The following SLC38A3 variants were observed in gnomAD, a reference collection of about 807,000 sequenced individuals.
SLC38A3 encodes the protein solute carrier family 38 member 3, also known as sodium-coupled neutral amino acid transporter 3.
Under a neutral mutation model 59.5 loss-of-function variants are expected in SLC38A3, and 17 were observed. That is an observed-to-expected ratio of 0.29 (90% CI 0.20 to 0.43). The LOEUF (loss-of-function observed/expected upper bound fraction) is 0.43. Ranked by LOEUF, SLC38A3 falls within the 20% of genes least tolerant of loss-of-function variation. The pLI, the probability that SLC38A3 is intolerant of heterozygous loss-of-function variation, is 1.00. For synonymous variants in SLC38A3, 238 were observed against 260.3 expected (o/e 0.91, Z 0.82); for missense variants, 454 against 653.9 (o/e 0.69, Z 3.33).
At chr3:50,212,169 C>T (rs532169998) in intron 1 of SLC38A3, among the ~76,000 whole-genome samples, 6 of 152,356 alleles carry the variant, frequency 3.9e-5, no homozygotes, top group East Asian at 1.9e-4. Flanking sequence ...ACACCTCCCA[C>T]GGCCCATGCC....
Position 50,218,697 on chromosome 3 carries a change from G to A in SLC38A3, c.1141G>A (p.Val381Met). ...CGTGCTGACAGCAGTCACGCTCACA[G>A]TGCCCATCGTTCTGTTCCCGGTGAG... Reference protein sequence around the residue: ...VAVLTAVTLTVPIVLFPVRRA... With the variant: ...VAVLTAVTLTMPIVLFPVRRA... The change falls in exon 13 of 16, where the codon GTG becomes ATG. Residue 381 changes from valine to methionine, a missense_variant. This residue lies in a region of SLC38A3 where 390 missense variants were observed against 557.9 expected (regional missense o/e 0.70). Coordinates refer to ENST00000614032, the MANE Select transcript of SLC38A3 (RefSeq NM_006841.6). The surrounding 1 kb of genome is among the most constrained non-coding windows in gnomAD (Gnocchi z 5.8). 2 of 1,611,894 alleles carry A rather than the reference G, an allele frequency of 1.2e-6. No homozygotes were observed. Among genetic ancestry groups the A allele is most frequent in the Non-Finnish European group, 1.7e-6 (2 of 1,178,154 alleles).
rs1331818148 is a variant in SLC38A3 at position 50,215,622 on chromosome 3, T to C, written c.452T>C (p.Leu151Pro). ...GKLAAALAIT[L>P]QNIGAMSSYL... ...CTGGCAGCAGCCCTGGCCATCACGC[T>C]CCAGAACATCGGAGGTAAGAGCAGT... is the stretch of plus-strand genomic sequence containing the variant. The change falls in exon 6 of 16, where the codon CTC becomes CCC. Residue 151 changes from leucine (L) to proline (P), a missense_variant. Physicochemically the swap from Leu to Pro is moderately conservative, Grantham distance 98 (BLOSUM62 -3). Transcript: ENST00000614032. The surrounding 1 kb of genome is among the most constrained non-coding windows in gnomAD (Gnocchi z 7.1). 1 of 1,613,546 alleles carries C rather than the reference T, an allele frequency of 6.2e-7. No homozygotes were observed. The highest frequency in any genetic ancestry group is 2.2e-5 in the East Asian group (1 of 44,856).
intron 1 of SLC38A3, among the ~76,000 whole-genome samples, chr3:50,208,778 C>G (rs1410904171): frequency 1.3e-5 from 2 of 152,228 alleles, no homozygotes; most frequent in African/African-American, 2.4e-5. Flanking sequence ...CCCTGGGCCG[C>G]TGCATCTCTG....
At position 50,217,850 on chromosome 3, in the gene SLC38A3, G is replaced by A. The variant is rs774639048; in HGVS notation, c.855+10G>A. 1 of 1,614,074 alleles carries A rather than the reference G, an allele frequency of 6.2e-7. No homozygotes were observed. The highest frequency in any genetic ancestry group is 1.1e-5 in the South Asian group (1 of 91,088). ...CACGCTCAACTCACAGGTTCTGACAGGTCAGGGCAAGGCGGGGGCCCAATG... is the reference window on the plus strand; with the variant it reads ...CACGCTCAACTCACAGGTTCTGACAAGTCAGGGCAAGGCGGGGGCCCAATG... On this transcript the variant is annotated intron_variant, in intron 10 of 15. Transcript: ENST00000614032. The surrounding 1 kb of genome is among the most constrained non-coding windows in gnomAD (Gnocchi z 4.9).
In SLC38A3 at chr3:50,215,780, A is replaced by T. The variant is rs1699808727; in HGVS notation, c.507A>T (p.Pro169=). Reference sequence around the variant, plus strand: ...TGTACATCATCAAGTCTGAGCTGCCACTTGTCATACAGACCTTCCTGAACC... The same window carrying T: ...TGTACATCATCAAGTCTGAGCTGCCTCTTGTCATACAGACCTTCCTGAACC... ...SYLYIIKSEL[P]LVIQTFLNLE... Residue 169 remains proline (P), a synonymous_variant, in exon 7 of 16, where the codon CCA becomes CCT. Transcript: ENST00000614032. The surrounding 1 kb of genome is among the most constrained non-coding windows in gnomAD (Gnocchi z 7.1). 6.3e-7 allele frequency: 1 copy of T among 1,596,738 alleles called. No homozygotes were observed. Among genetic ancestry groups the T allele is most frequent in the African/African-American group, 1.3e-5 (1 of 74,296 alleles).
rs759397950 is a variant in SLC38A3 at position 50,215,733 on chromosome 3, C to G, written c.467-7C>G. On this transcript the variant is annotated splice_polypyrimidine_tract_variant and splice_region_variant and intron_variant, in intron 6 of 15. Coordinates refer to ENST00000614032, the MANE Select transcript of SLC38A3 (RefSeq NM_006841.6). This position sits in a 1 kb window ranked among gnomAD's most constrained non-coding sequence, Gnocchi z 7.1. Reference sequence around the variant, plus strand: ...CAGCGCCTGCCTGCCCGCCCCTCTCCCCACAGCCATGTCCAGCTACCTGTA... The same window carrying G: ...CAGCGCCTGCCTGCCCGCCCCTCTCGCCACAGCCATGTCCAGCTACCTGTA... 1.9e-6 allele frequency: 3 copies of G among 1,605,182 alleles called. No homozygotes were observed. The South Asian group carries it at 3.3e-5, about 18-fold the overall frequency.
rs777744508 is a variant in SLC38A3, at chr3:50,218,431, C to T, written c.1036+61C>T. The T allele has an allele frequency of 6.6e-6, 10 of 1,522,784 alleles. No individual in the cohort carries two copies. The Admixed American group carries it at 1.7e-4, about 25-fold the overall frequency. 94.3% of individuals were successfully genotyped at this position (1,522,784 alleles called of 1,614,324 possible). A position where few individuals can be genotyped will look rare whatever the true frequency, so the allele number is the denominator to read the frequency against. ...GCTGGGGGGAAGGGGCTGGTTGTGG[C>T]CATGGTGCCCTCCATACCGAGGCGT... On this transcript the variant is annotated intron_variant, in intron 12 of 15. Coordinates refer to ENST00000614032, the MANE Select transcript of SLC38A3 (RefSeq NM_006841.6). This position sits in a 1 kb window ranked among gnomAD's most constrained non-coding sequence, Gnocchi z 5.8.
At chr3:50,213,851 A>G (rs1007017300) in intron 1 of SLC38A3, among the ~76,000 whole-genome samples, 1 of 152,186 alleles carries the variant, frequency 6.6e-6, no homozygotes, top group Non-Finnish European at 1.5e-5. Context: ...GGTCATCCAG[A>G]TGACCGTCAC....
In SLC38A3 at chr3:50,218,973, A is replaced by G; in HGVS notation, c.1306+25A>G. 1 of 1,596,562 alleles carries G rather than the reference A, an allele frequency of 6.3e-7. No individual in the cohort carries two copies. The highest frequency in any genetic ancestry group is 8.6e-7 in the Non-Finnish European group (1 of 1,166,408). ...GGTGAGGGTCTGGCCCTGCTGTGGA[A>G]GCAGGGTATTGCCCCAGAGGATTTC... On this transcript the variant is annotated intron_variant, in intron 14 of 15. Coordinates refer to ENST00000614032, the MANE Select transcript of SLC38A3 (RefSeq NM_006841.6). The surrounding 1 kb of genome is among the most constrained non-coding windows in gnomAD (Gnocchi z 5.8).
Position 50,218,099 on chromosome 3 carries a change from C to T in SLC38A3, c.935+103C>T. On this transcript the variant is annotated intron_variant, in intron 11 of 15. Transcript: ENST00000614032. The surrounding 1 kb of genome is among the most constrained non-coding windows in gnomAD (Gnocchi z 5.8). ...GAGAGGGGAGTGACAGGAGCCAAGTCACTTTATCTGAGATGTCCTTGGCAG... is the reference window on the plus strand; with the variant it reads ...GAGAGGGGAGTGACAGGAGCCAAGTTACTTTATCTGAGATGTCCTTGGCAG... The T allele has an allele frequency of 3.2e-6, 4 of 1,243,580 alleles. No homozygotes were observed. The highest frequency in any genetic ancestry group is 4.7e-6 in the Non-Finnish European group (4 of 859,394). The allele number at this position is 1,243,580 out of a possible 1,614,324, so 77.0% of individuals were successfully genotyped here.
chr3:50,219,534 CAG>C (rs1358636968), intron 14 of SLC38A3, among the ~76,000 whole-genome samples: 1 of 152,232 alleles, frequency 6.6e-6, no homozygotes, highest in Admixed American at 6.5e-5. Flanking sequence ...ATGAATTAAG[CAG>C]AAAGGAATCC....
chr3:50,205,626 ACAG>A (rs1338294159), intron 1 of SLC38A3, among the ~76,000 whole-genome samples: 1 of 152,186 alleles, frequency 6.6e-6, no homozygotes, highest in African/African-American at 2.4e-5. Flanking sequence ...GCTGCGAGGT[ACAG>A]CAGGAGGTCG....
At position 50,214,382 on chromosome 3, in the gene SLC38A3, A is replaced by G; in HGVS notation, c.102-20A>G. The G allele has an allele frequency of 6.3e-7, 1 of 1,597,774 alleles. No individual in the cohort carries two copies. Among genetic ancestry groups the G allele is most frequent in the Non-Finnish European group, 8.5e-7 (1 of 1,171,904 alleles). Reference sequence around the variant, plus strand: ...GCAAAGGGCTGGAGCTGAGCCACCCACCCTGACCTGTGCCTACAGGGTCGA... The same window carrying G: ...GCAAAGGGCTGGAGCTGAGCCACCCGCCCTGACCTGTGCCTACAGGGTCGA... On this transcript the variant is annotated intron_variant, in intron 2 of 15. Transcript: ENST00000614032. The surrounding 1 kb of genome is among the most constrained non-coding windows in gnomAD (Gnocchi z 6.0).
Position 50,217,154 on chromosome 3 carries a change from T to C in SLC38A3, c.549-84T>C, listed in dbSNP as rs1214425257. ...CTTCAGATGTCACTCAGTGGCACCA[T>C]TGGTAACTCCAGCAGAGGGAGGCAG... is the stretch of plus-strand genomic sequence containing the variant. On this transcript the variant is annotated intron_variant, in intron 7 of 15. Coordinates refer to ENST00000614032, the MANE Select transcript of SLC38A3 (RefSeq NM_006841.6). This position sits in a 1 kb window ranked among gnomAD's most constrained non-coding sequence, Gnocchi z 4.9. 6.0e-6 allele frequency: 5 copies of C among 836,884 alleles called. No individual in the cohort carries two copies. The highest frequency in any genetic ancestry group is 1.0e-5 in the Non-Finnish European group (5 of 497,634). The allele number at this position is 836,884 out of a possible 1,614,324, so 51.8% of individuals were successfully genotyped here.
intron 1 of SLC38A3, among the ~76,000 whole-genome samples, chr3:50,211,081 G>A (rs865941840): frequency 6.6e-6 from 1 of 152,216 alleles, no homozygotes; most frequent in Non-Finnish European, 1.5e-5. Context: ...GCCAAGCCCA[G>A]CCCTAGAGGG....
In SLC38A3 at chr3:50,217,685, A is replaced by G. The variant is rs1468910845; in HGVS notation, c.700A>G (p.Lys234Glu). 2 of 1,613,922 alleles carry G rather than the reference A, an allele frequency of 1.2e-6. No homozygotes were observed. Among genetic ancestry groups the G allele is most frequent in the Non-Finnish European group, 1.7e-6 (2 of 1,179,872 alleles). Residue 234 changes from lysine (K) to glutamate (E), a missense_variant, in exon 10 of 16, where the codon AAA becomes GAA. Physicochemically the swap from Lys to Glu is moderately conservative, Grantham distance 56 (BLOSUM62 1). Transcript: ENST00000614032. The surrounding 1 kb of genome is among the most constrained non-coding windows in gnomAD (Gnocchi z 4.9). ...TCCCTCCCCACTCCAGGTCATCTAC[A>G]AAAAGTTCCACGTGCCCTGCCCACT... ...MVFFLIAVIY[K>E]KFHVPCPLPP...
rs1699788377 is a variant in SLC38A3 at position 50,214,563 on chromosome 3, G to A, written c.183+80G>A. ...AATGAGGTGGTCTCTGGCAGCAGTGGGAGGCTGAGGGACAGTCAGGGGAAG... is the reference window on the plus strand; with the variant it reads ...AATGAGGTGGTCTCTGGCAGCAGTGAGAGGCTGAGGGACAGTCAGGGGAAG... On this transcript the variant is annotated intron_variant, in intron 3 of 15. Transcript: ENST00000614032. The surrounding 1 kb of genome is among the most constrained non-coding windows in gnomAD (Gnocchi z 6.0). The A allele has an allele frequency of 6.8e-7, 1 of 1,466,544 alleles. No individual in the cohort carries two copies. The highest frequency in any genetic ancestry group is 1.4e-5 in the African/African-American group (1 of 71,582). 90.8% of individuals were successfully genotyped at this position (1,466,544 alleles called of 1,614,324 possible).
chr3:50,211,312 C>T (rs1181474831), intron 1 of SLC38A3, among the ~76,000 whole-genome samples: 2 of 152,190 alleles, frequency 1.3e-5, no homozygotes, highest in African/African-American at 4.8e-5. Context: ...TGGCCCCCAG[C>T]CCCCAGCCCT....
intron 1 of SLC38A3, among the ~76,000 whole-genome samples, chr3:50,210,349 C>G (rs1699706563): frequency 6.6e-6 from 1 of 152,190 alleles, no homozygotes. Context: ...GGCCAGCTGT[C>G]TCTCTCCTGA....
Sources: allele counts gnomAD v4.1 joint callset (sites outside exome capture counted in the v4.1 genomes callset), GRCh38; gene constraint gnomAD v4.1.1; regional missense constraint gnomAD v4.1.1; non-coding constraint Gnocchi (gnomAD v3.1); transcripts MANE v1.5; gene names NCBI Gene and HGNC (gene_info 2026-07-23, HGNC 2026-07-21).